PTCH1: variants seen among roughly 807,000 people sequenced by gnomAD.
PTCH1 encodes patched 1, also known as protein patched homolog 1.
Under a neutral mutation model 144.6 loss-of-function variants are expected in PTCH1, and 14 were observed. The ratio of observed to expected loss-of-function variants is 0.10; its 90% CI spans 0.06 to 0.15. PTCH1 has a LOEUF of 0.15. Ranked by LOEUF, PTCH1 falls within the 10% of genes least tolerant of loss-of-function variation. The pLI is 1.00. For missense variants in PTCH1, 1,623 were observed against 1,948.3 expected (o/e 0.83, Z 3.14); for synonymous variants, 833 against 793.6 (o/e 1.05, Z -0.83).
upstream of PTCH1, among the ~76,000 whole-genome samples, chr9:95,509,991 T>TC (rs529718321): frequency 7.2e-6 from 1 of 139,110 alleles, no homozygotes; most frequent in South Asian, 2.3e-4. Context: ...AGCCGCTTTC[T>TC]CCCCCCAACT....
chr9:95,479,201 C>T, intron 7 of PTCH1, 54 bp from the exon 8 acceptor site: 1 of 1,612,124 alleles, frequency 6.2e-7, no homozygotes, highest in East Asian at 2.2e-5. Flanking sequence ...GAAGCAGTTT[C>T]CACTGCCTCA....
At chr9:95,461,762 G>T (rs1270744772) in intron 16 of PTCH1, 94 bp downstream of exon 16, 4 of 1,537,806 alleles carry the variant, frequency 2.6e-6, no homozygotes, top group Non-Finnish European at 3.6e-6. Flanking sequence ...TCTCCAGAGA[G>T]CACAGGGTGG....
At chr9:95,510,995 C>G (rs1844124877), upstream of PTCH1, among the ~76,000 whole-genome samples, 11 of 149,976 alleles carry the variant, frequency 7.3e-5, no homozygotes, top group South Asian at 2.1e-3. Flanking sequence ...CCGGCGCGGA[C>G]GGACGTGCCG....
chr9:95,501,864 G>C (rs78257931), intron 2 of PTCH1, among the ~76,000 whole-genome samples: 1 of 152,144 alleles, frequency 6.6e-6, no homozygotes, highest in Non-Finnish European at 1.5e-5. Context: ...CAAAGAAACA[G>C]GCAAGATTAA....
intron 1 of PTCH1, among the ~76,000 whole-genome samples, chr9:95,516,154 C>T (rs1016125979): frequency 6.6e-6 from 1 of 151,370 alleles, no homozygotes; most frequent in Non-Finnish European, 1.5e-5. Flanking sequence ...CGTGAGAATT[C>T]CCCCCGGAGC....
intron 2 of PTCH1, among the ~76,000 whole-genome samples, chr9:95,496,306 A>C (rs557077081): frequency 2.0e-4 from 30 of 152,334 alleles, no homozygotes; most frequent in African/African-American, 7.2e-4. Context: ...GTACATTCAG[A>C]CGGCCCTGAA....
At chr9:95,492,322 T>C (rs980803034) in intron 2 of PTCH1, among the ~76,000 whole-genome samples, 6 of 152,172 alleles carry the variant, frequency 3.9e-5, no homozygotes, top group Non-Finnish European at 8.8e-5. Context: ...CGTGGTTTTT[T>C]TACTGGTAAG....
intron 8 of PTCH1, 32 bp downstream of exon 8, chr9:95,478,968 G>A (rs757953658): frequency 2.8e-5 from 45 of 1,613,908 alleles, no homozygotes; most frequent in African/African-American, 8.0e-5. Flanking sequence ...CATAACCAGC[G>A]AGTCTGCACG....
chr9:95,473,980 A>T (rs571217137), intron 12 of PTCH1: 11 of 437,784 alleles, frequency 2.5e-5, no homozygotes, highest in Non-Finnish European at 5.0e-5. Flanking sequence ...AAAAACCAAC[A>T]GTACTCATTT....
At chr9:95,489,945 C>T (rs901116258) in intron 2 of PTCH1, among the ~76,000 whole-genome samples, 1 of 151,474 alleles carries the variant, frequency 6.6e-6, no homozygotes, top group Non-Finnish European at 1.5e-5. Flanking sequence ...GGACTACAGG[C>T]GCCCGCCACC....
At position 95,446,819 on chromosome 9, in the gene PTCH1, G is replaced by A. The variant is rs1837939066; in HGVS notation, c.*1+92C>T. 1.9e-5 allele frequency: 29 copies of A among 1,545,586 alleles called. No homozygotes were observed. In the South Asian group the frequency reaches 3.2e-4, roughly 17 times the overall value. On this transcript the variant is annotated intron_variant, in intron 23 of 23. Coordinates refer to ENST00000331920, the MANE Select transcript of PTCH1 (RefSeq NM_000264.5). ...GCGTGGGATGTGCCCGAGCGCCACA[G>A]CCCCTCGGGGATGCCGAGAACCCCA...
At chr9:95,485,950 T>C in intron 2 of PTCH1, 76 bp from the exon 3 acceptor site, 1 of 1,495,308 alleles carries the variant, frequency 6.7e-7, no homozygotes, top group Admixed American at 1.7e-5. Context: ...TCTGACTACC[T>C]GCCATAGGAT....
intron 2 of PTCH1, among the ~76,000 whole-genome samples, chr9:95,489,186 C>T (rs1196396570): frequency 1.3e-5 from 2 of 152,192 alleles, no homozygotes; most frequent in Non-Finnish European, 2.9e-5. Flanking sequence ...CCCTAGCAAA[C>T]GCCTATCCTA....
chr9:95,472,729 G>A (rs927881459), intron 12 of PTCH1, among the ~76,000 whole-genome samples: 1 of 152,170 alleles, frequency 6.6e-6, no homozygotes, highest in Admixed American at 6.5e-5. Flanking sequence ...ATGAAGGGAT[G>A]AGGGAAGAAC....
chr9:95,491,469 C>T (rs143006095), intron 2 of PTCH1, among the ~76,000 whole-genome samples: 186 of 152,304 alleles, frequency 1.2e-3, no homozygotes, highest in African/African-American at 4.2e-3. Flanking sequence ...CAGACCCTTA[C>T]CCAAGAGCGG....
chr9:95,507,979 G>C, intron 1 of PTCH1, 182 bp downstream of exon 1: 2 of 1,497,830 alleles, frequency 1.3e-6, no homozygotes, highest in Non-Finnish European at 1.8e-6. Flanking sequence ...CCCAGGACCA[G>C]AGGGAGGGTT....
chr9:95,475,604 G>C (rs574446306), intron 12 of PTCH1, among the ~76,000 whole-genome samples: 1 of 152,276 alleles, frequency 6.6e-6, no homozygotes, highest in East Asian at 1.9e-4. Context: ...TGGCAAAAGC[G>C]AAAGAAAAGG....
At chr9:95,482,687 A>T (rs1312972558) in intron 3 of PTCH1, 2 of 204,556 alleles carry the variant, frequency 9.8e-6, no homozygotes, top group East Asian at 2.7e-4. Flanking sequence ...TTAATATTAT[A>T]AACAACAACA....
rs551410038 is a variant in PTCH1 at position 95,466,992 on chromosome 9, A to G, written c.2560+124T>C. 1.3e-5 allele frequency: 14 copies of G among 1,114,844 alleles called. No individual in the cohort carries two copies. In the South Asian group the frequency reaches 1.9e-4, roughly 15 times the overall value. 69.1% of individuals were successfully genotyped at this position (1,114,844 alleles called of 1,614,324 possible). On this transcript the variant is annotated intron_variant, in intron 15 of 23. Transcript: ENST00000331920. ...CATGTAAGAATCTTGAGCAACTCTT[A>G]AAAGTCCATGAAACACGTCAGTGTT... is the stretch of plus-strand genomic sequence containing the variant.
Sources: allele counts gnomAD v4.1 joint callset (sites outside exome capture counted in the v4.1 genomes callset), GRCh38; gene constraint gnomAD v4.1.1; transcripts MANE v1.5; gene names NCBI Gene and HGNC (gene_info 2026-07-23, HGNC 2026-07-21).